SUGCT: variants seen among roughly 807,000 people sequenced by gnomAD.
The protein encoded by SUGCT is succinyl-CoA:glutarate-CoA transferase, also known as succinyl-CoA:glutarate CoA-transferase.
A neutral mutation model predicts 55.0 loss-of-function variants in SUGCT; 41 were observed. That is an observed-to-expected ratio of 0.74 (90% confidence interval 0.58 to 0.97). The LOEUF is 0.97. Among genes scored for constraint, SUGCT ranks in the 50% least tolerant of loss-of-function variants. SUGCT has a pLI of 0.00. For synonymous variants in SUGCT, 187 were observed against 200.4 expected (o/e 0.93, Z 0.56); for missense variants, 568 against 547.8 (o/e 1.04, Z -0.37).
At chr7:40,927,920 T>A in the SUGCT span, among the ~76,000 whole-genome samples, 1 of 152,200 alleles carries the variant, frequency 6.6e-6, no homozygotes, top group Non-Finnish European at 1.5e-5. Context: ...AGGTATAAAA[T>A]TCTAGTTTAA....
At chr7:40,287,078 C>T (rs1279113714) in intron 8 of SUGCT, among the ~76,000 whole-genome samples, 1 of 152,146 alleles carries the variant, frequency 6.6e-6, no homozygotes, top group Non-Finnish European at 1.5e-5. Flanking sequence ...TGGGAGGGTG[C>T]TATAAGTTTG....
intron 13 of SUGCT, among the ~76,000 whole-genome samples, chr7:40,856,153 CTCTA>C (rs1794159511): frequency 6.6e-6 from 1 of 152,196 alleles, no homozygotes; most frequent in African/African-American, 2.4e-5. Flanking sequence ...CTTCAGCTTT[CTCTA>C]TCTCTTTTAT....
At position 40,576,737 on chromosome 7, in the gene SUGCT, C is replaced by T. The variant is rs1416485219; in HGVS notation, c.1089+80351C>T. Among the ~76,000 whole-genome samples, 8 of 152,282 alleles carry T rather than the reference C, an allele frequency of 5.3e-5. No individual in the cohort carries two copies. The East Asian group carries it at 1.3e-3, about 26-fold the overall frequency. On this transcript the variant is annotated intron_variant, in intron 12 of 13. Transcript: ENST00000335693. ...TTTCTTATCATCTGAACTCTTTCAT[C>T]AAATAAAATATCAATATATGAAACA...
chr7:40,180,614 C>T (rs996228671), intron 1 of SUGCT, among the ~76,000 whole-genome samples: 2 of 151,662 alleles, frequency 1.3e-5, no homozygotes, highest in African/African-American at 2.4e-5. Flanking sequence ...CTCAGCCTCC[C>T]GATAATTGAG....
intron 13 of SUGCT, among the ~76,000 whole-genome samples, chr7:40,774,520 A>G (rs373357181): frequency 7.2e-5 from 11 of 152,186 alleles, no homozygotes; most frequent in African/African-American, 2.4e-4. Flanking sequence ...GAGATTGCTG[A>G]TTGTGTTAAT....
intron 6 of SUGCT, among the ~76,000 whole-genome samples, chr7:40,228,129 C>T (rs1215558710): frequency 6.6e-6 from 1 of 152,014 alleles, no homozygotes; most frequent in African/African-American, 2.4e-5. Context: ...TGATCCATCC[C>T]GCCTCCACCT....
intron 12 of SUGCT, among the ~76,000 whole-genome samples, chr7:40,564,237 G>A (rs571615963): frequency 1.3e-5 from 2 of 152,164 alleles, no homozygotes; most frequent in Admixed American, 6.5e-5. Flanking sequence ...TTAGCCGGGT[G>A]TGGTAGCAGG....
At chr7:40,400,502 T>C (rs1786004990) in intron 9 of SUGCT, among the ~76,000 whole-genome samples, 1 of 152,148 alleles carries the variant, frequency 6.6e-6, no homozygotes, top group Non-Finnish European at 1.5e-5. Context: ...CTTTGCTGGA[T>C]TGAGTGACAG....
intron 9 of SUGCT, among the ~76,000 whole-genome samples, chr7:40,342,481 A>G (rs1394135529): frequency 6.6e-6 from 1 of 152,178 alleles, no homozygotes; most frequent in East Asian, 1.9e-4. Flanking sequence ...TGATTAATTT[A>G]GAGTAGGGGG....
At chr7:40,555,295 C>T (rs749961606) in intron 12 of SUGCT, among the ~76,000 whole-genome samples, 17 of 140,986 alleles carry the variant, frequency 1.2e-4, no homozygotes, top group Non-Finnish European at 1.6e-4. Context: ...AACCCTTCCT[C>T]TTTGTCTTTT....
rs527522904 is a variant in SUGCT, at chr7:40,268,763, T to C, written c.577-5750T>C. Among the ~76,000 whole-genome samples the C allele has an allele frequency of 2.6e-5, 4 of 152,092 alleles. No individual in the cohort carries two copies. In the East Asian group the frequency reaches 7.8e-4, roughly 29 times the overall value. ...CTCCCGGGTTCAAGCCTCAGACTCC[T>C]GAGTAGTTGGGATTACAGGCGTGCA... On this transcript the variant is annotated intron_variant, in intron 7 of 13. Coordinates refer to ENST00000335693, the MANE Select transcript of SUGCT (RefSeq NM_001193313.2).
chr7:40,215,766 G>T (rs569795269), intron 6 of SUGCT, among the ~76,000 whole-genome samples: 1 of 151,994 alleles, frequency 6.6e-6, no homozygotes, highest in Non-Finnish European at 1.5e-5. Flanking sequence ...GGAGGCTGAG[G>T]CAGGAGAATG....
chr7:40,487,442 A>G (rs928986227), intron 11 of SUGCT, among the ~76,000 whole-genome samples: 10 of 151,788 alleles, frequency 6.6e-5, no homozygotes, highest in Non-Finnish European at 1.3e-4. Context: ...TTTGTAGGCT[A>G]ATATATGATC....
chr7:40,592,579 G>C (rs996920033), intron 12 of SUGCT, among the ~76,000 whole-genome samples: 16 of 152,306 alleles, frequency 1.1e-4, no homozygotes, highest in African/African-American at 3.6e-4. Context: ...ATGGAGGACT[G>C]TGTGATATTT....
intron 12 of SUGCT, among the ~76,000 whole-genome samples, chr7:40,704,926 G>C (rs953093656): frequency 6.6e-6 from 1 of 152,128 alleles, no homozygotes; most frequent in African/African-American, 2.4e-5. Context: ...TGGCCAAGCT[G>C]TCTGTTCACA....
At chr7:40,138,410 G>A in intron 1 of SUGCT, among the ~76,000 whole-genome samples, 1 of 152,146 alleles carries the variant, frequency 6.6e-6, no homozygotes, top group Non-Finnish European at 1.5e-5. Flanking sequence ...TGGGCACTTA[G>A]GTTGATTTCA....
intron 13 of SUGCT, among the ~76,000 whole-genome samples, chr7:40,822,121 C>T (rs544822887): frequency 6.6e-6 from 1 of 152,260 alleles, no homozygotes; most frequent in South Asian, 2.1e-4. Context: ...GCACTGTGGT[C>T]TGAGAGACAG....
intron 1 of SUGCT, among the ~76,000 whole-genome samples, chr7:40,145,866 T>G (rs980075067): frequency 6.6e-6 from 1 of 152,226 alleles, no homozygotes; most frequent in African/African-American, 2.4e-5. Flanking sequence ...TATCCCTTAC[T>G]GAATACCCAT....
chr7:40,645,839 C>T (rs1053119750), intron 12 of SUGCT, among the ~76,000 whole-genome samples: 4 of 152,174 alleles, frequency 2.6e-5, no homozygotes, highest in Non-Finnish European at 4.4e-5. Context: ...AGGCTCTATT[C>T]GCAGTGGTAA....
Sources: gnomAD v4.1 joint callset for allele counts (sites outside exome capture counted in the v4.1 genomes callset) on GRCh38, gnomAD v4.1.1 for gene constraint, MANE v1.5 for transcripts, NCBI Gene and HGNC (gene_info 2026-07-23, HGNC 2026-07-21) for gene names.